Variants in LHFPL3 observed in about 807,000 individuals in gnomAD.
LHFPL3 encodes the protein LHFPL tetraspan subfamily member 3 protein.
In LHFPL3, 5 loss-of-function variants were observed where a neutral mutation model predicts 19.3. The ratio of observed to expected loss-of-function variants is 0.26; its 90% CI spans 0.14 to 0.54. The LOEUF (loss-of-function observed/expected upper bound fraction) is 0.54, where lower values mean the gene tolerates loss of function less well. Among genes scored for constraint, LHFPL3 ranks in the 20% least tolerant of loss-of-function variants. The pLI, the probability that LHFPL3 is intolerant of heterozygous loss-of-function variation, is 0.94. For synonymous variants in LHFPL3, 133 were observed against 126.2 expected, an observed-to-expected ratio of 1.05 and a Z score of -0.36; for missense variants, 249 against 307.4, an observed-to-expected ratio of 0.81 and a Z score of 1.42.
At chr7:104,726,641 G>T (rs1329568441) in intron 1 of LHFPL3, among the ~76,000 whole-genome samples, 1 of 152,060 alleles carries the variant, frequency 6.6e-6, no homozygotes, top group Non-Finnish European at 1.5e-5. Context: ...CTCCATCCAT[G>T]TCCCTGCAAA....
At chr7:104,678,601 A>G (rs140129280) in intron 1 of LHFPL3, among the ~76,000 whole-genome samples, 73 of 152,326 alleles carry the variant, frequency 4.8e-4, no homozygotes, top group African/African-American at 1.7e-3. Context: ...AATTCTTTTT[A>G]ACCAGGATTA....
intron 1 of LHFPL3, among the ~76,000 whole-genome samples, chr7:104,642,715 C>T (rs550772053): frequency 7.8e-4 from 119 of 152,318 alleles, no homozygotes; most frequent in Admixed American, 2.4e-3. Flanking sequence ...GGCCCCCACT[C>T]TCACATGCAG....
intron 1 of LHFPL3, among the ~76,000 whole-genome samples, chr7:104,435,483 T>TA (rs1240882893): frequency 1.3e-5 from 2 of 151,070 alleles, no homozygotes; most frequent in Non-Finnish European, 3.0e-5. Context: ...AATTTTTTTA[T>TA]AAAATGACTT....
chr7:104,778,320 T>G (rs938324610), intron 2 of LHFPL3, among the ~76,000 whole-genome samples: 1 of 152,110 alleles, frequency 6.6e-6, no homozygotes. Flanking sequence ...GCGGTGACCC[T>G]ACCCACCTTG....
chr7:104,477,180 A>G (rs886656408), intron 1 of LHFPL3, among the ~76,000 whole-genome samples: 7 of 151,910 alleles, frequency 4.6e-5, no homozygotes, highest in African/African-American at 1.5e-4. Context: ...TTGTAGAGAG[A>G]GAGTCTCACT....
intron 2 of LHFPL3, among the ~76,000 whole-genome samples, chr7:104,792,348 T>C (rs1304797709): frequency 6.6e-6 from 1 of 152,216 alleles, no homozygotes; most frequent in Non-Finnish European, 1.5e-5. Context: ...CTGGAAGCCA[T>C]AGCAAGTGTC....
intron 2 of LHFPL3, among the ~76,000 whole-genome samples, chr7:104,874,265 CAATT>C (rs1269833026): frequency 6.6e-6 from 1 of 152,132 alleles, no homozygotes; most frequent in Non-Finnish European, 1.5e-5. Flanking sequence ...CTACAATTCA[CAATT>C]ACTCATAATT....
intron 1 of LHFPL3, among the ~76,000 whole-genome samples, chr7:104,517,942 C>T (rs1232691695): frequency 1.3e-5 from 2 of 152,020 alleles, no homozygotes; most frequent in East Asian, 3.9e-4. Flanking sequence ...GTGCAGCAAG[C>T]CACCATGGCA....
chr7:104,783,666 TA>T (rs904841358), intron 2 of LHFPL3, among the ~76,000 whole-genome samples: 2 of 152,146 alleles, frequency 1.3e-5, no homozygotes, highest in Non-Finnish European at 1.5e-5. Context: ...AAGACTGTAA[TA>T]AAACCCCAAA....
intron 1 of LHFPL3, among the ~76,000 whole-genome samples, chr7:104,688,776 T>C (rs1333357640): frequency 6.6e-6 from 1 of 152,204 alleles, no homozygotes; most frequent in Non-Finnish European, 1.5e-5. Context: ...TGGTTCAGAT[T>C]GTGGCCCACA....
chr7:104,809,721 C>T (rs1291478999), intron 2 of LHFPL3, among the ~76,000 whole-genome samples: 1 of 152,164 alleles, frequency 6.6e-6, no homozygotes, highest in Non-Finnish European at 1.5e-5. Context: ...CAAGAGAAGA[C>T]TCTTACCCAT....
intron 1 of LHFPL3, among the ~76,000 whole-genome samples, chr7:104,567,559 C>T (rs1335174158): frequency 6.6e-6 from 1 of 152,226 alleles, no homozygotes; most frequent in East Asian, 1.9e-4. Flanking sequence ...AAAGGCATTC[C>T]TCTAGTCACA....
chr7:104,495,678 T>C (rs373079518), intron 1 of LHFPL3, among the ~76,000 whole-genome samples: 50 of 152,270 alleles, frequency 3.3e-4, no homozygotes, highest in South Asian at 8.3e-4. Context: ...CTAACGCGCC[T>C]GGCCTAAAAA....
At chr7:104,357,641 CAAT>C (rs1790305509) in intron 1 of LHFPL3, among the ~76,000 whole-genome samples, 1 of 152,116 alleles carries the variant, frequency 6.6e-6, no homozygotes, top group Non-Finnish European at 1.5e-5. Flanking sequence ...TTGGCTTATA[CAAT>C]AGTGAAGACT....
chr7:104,611,689 GAAACAT>G (rs1791216542), intron 1 of LHFPL3, among the ~76,000 whole-genome samples: 1 of 151,882 alleles, frequency 6.6e-6, no homozygotes, highest in Admixed American at 6.6e-5. Context: ...AAGAAAAAAA[GAAACAT>G]AAAAATAAGA....
chr7:104,465,316 C>G (rs1402404632), intron 1 of LHFPL3, among the ~76,000 whole-genome samples: 1 of 152,222 alleles, frequency 6.6e-6, no homozygotes, highest in East Asian at 1.9e-4. Context: ...TTTTCCACAT[C>G]TTCCTGTCTT....
Position 104,752,063 on chromosome 7 carries a change from G to A in LHFPL3, c.682+15152G>A, listed in dbSNP as rs577466850. On this transcript the variant is annotated intron_variant, in intron 2 of 2. Coordinates refer to ENST00000424859, the MANE Select transcript of LHFPL3 (RefSeq NM_199000.3). ...CGGCCAGTATTGATAGGCTACTGGC[G>A]GTTGGGTCTTATTTTCTTTAACCTG... Among the ~76,000 whole-genome samples, 53 of 152,212 alleles carry A rather than the reference G, an allele frequency of 3.5e-4. No individual in the cohort carries two copies. The East Asian group carries it at 9.1e-3, about 26-fold the overall frequency.
intron 1 of LHFPL3, among the ~76,000 whole-genome samples, chr7:104,692,980 A>G (rs975644808): frequency 1.3e-5 from 2 of 152,202 alleles, no homozygotes; most frequent in African/African-American, 2.4e-5. Flanking sequence ...AGTAGCCAGG[A>G]TGAGGGCTGT....
chr7:104,637,387 A>G (rs1049798312), intron 1 of LHFPL3, among the ~76,000 whole-genome samples: 2 of 152,172 alleles, frequency 1.3e-5, no homozygotes, highest in African/African-American at 4.8e-5. Context: ...TAGTTTAATT[A>G]GATCCTATTT....
Sources: allele counts gnomAD v4.1 joint callset (sites outside exome capture counted in the v4.1 genomes callset), GRCh38; gene constraint gnomAD v4.1.1; transcripts MANE v1.5; gene names NCBI Gene and HGNC (gene_info 2026-07-23, HGNC 2026-07-21).